SV2B: variants seen among roughly 807,000 people sequenced by gnomAD.
SV2B encodes solute carrier family 22 member B2.
In SV2B, 41 loss-of-function variants were observed where a neutral mutation model predicts 73.9. The ratio of observed to expected loss-of-function variants is 0.56; its 90% confidence interval spans 0.43 to 0.72. The LOEUF (loss-of-function observed/expected upper bound fraction) is 0.72, where lower values mean the gene tolerates loss of function less well. Among genes scored for constraint, SV2B ranks in the 30% least tolerant of loss-of-function variants. The probability of loss-of-function intolerance (pLI) is 0.00; values close to 1 mark genes in which losing one functional copy is unlikely to be tolerated. For missense variants in SV2B, 764 were observed against 857.8 expected, an observed-to-expected ratio of 0.89 and a Z score of 1.37; for synonymous variants, 314 against 314.2, an observed-to-expected ratio of 1.00 and a Z score of 0.01.
At chr15:91,131,953 ACT>A (rs2141156147) in intron 1 of SV2B, among the ~76,000 whole-genome samples, 1 of 152,136 alleles carries the variant, frequency 6.6e-6, no homozygotes, top group East Asian at 1.9e-4. Flanking sequence ...ATAGAGTGAG[ACT>A]CTGTCTCAAA....
At chr15:91,176,412 T>G (rs1466876901) in intron 1 of SV2B, among the ~76,000 whole-genome samples, 1,919 of 148,298 alleles carry the variant, frequency 0.013, 16 homozygotes, top group Middle Eastern at 0.017. Context: ...ACCCCGTAAT[T>G]GGATGGCTGG....
In SV2B at chr15:91,217,499, G is replaced by T. The variant is rs192248133; in HGVS notation, c.-391-8374G>T. 8.9e-4 allele frequency among the ~76,000 whole-genome samples: 135 copies of T among 152,162 alleles called. 2 individuals carry two copies. Among genetic ancestry groups the T allele is most frequent in the African/African-American group, 3.1e-3 (129 of 41,542 alleles). On this transcript the variant is annotated intron_variant, in intron 1 of 12. Coordinates refer to ENST00000394232, the MANE Select transcript of SV2B (RefSeq NM_001323032.3). Reference sequence around the variant, plus strand: ...TTAATGGGTGCAGCACACCAACATGGCACATGTATACATATGTAACAAACC... The same window carrying T: ...TTAATGGGTGCAGCACACCAACATGTCACATGTATACATATGTAACAAACC...
intron 2 of SV2B, among the ~76,000 whole-genome samples, chr15:91,237,185 A>G (rs376954411): frequency 2.0e-5 from 3 of 152,308 alleles, no homozygotes; most frequent in Non-Finnish European, 1.5e-5. Flanking sequence ...TTTGTGCAGT[A>G]TGGGCAGTTC....
rs1231178723 is a variant in SV2B, at chr15:91,224,081, C to T, written c.-391-1792C>T. On this transcript the variant is annotated intron_variant, in intron 1 of 12. Coordinates refer to ENST00000394232, the MANE Select transcript of SV2B (RefSeq NM_001323032.3). This position sits in a 1 kb window ranked among gnomAD's most constrained non-coding sequence, Gnocchi z 4.9. ...TGTCTGAGTCAGATGGGTTTCAGTG[C>T]TGGAGTCTGTCCAGGGCTGAAGACC... is the stretch of plus-strand genomic sequence containing the variant. Among the ~76,000 whole-genome samples, 3 of 152,314 alleles carry T rather than the reference C, an allele frequency of 2.0e-5. No individual in the cohort carries two copies. The highest frequency in any genetic ancestry group is 7.2e-5 in the African/African-American group (3 of 41,554).
chr15:91,188,606 C>T (rs1423673962), intron 1 of SV2B, among the ~76,000 whole-genome samples: 1 of 151,676 alleles, frequency 6.6e-6, no homozygotes, highest in South Asian at 2.1e-4. Context: ...TGAGCCACCA[C>T]TCCCGGCCTG....
intron 4 of SV2B, among the ~76,000 whole-genome samples, chr15:91,257,112 G>C (rs558605819): frequency 1.3e-5 from 2 of 151,872 alleles, no homozygotes; most frequent in Non-Finnish European, 2.9e-5. Flanking sequence ...TTATAACCTC[G>C]GCTCTATTTT....
chr15:91,282,595 A>C (rs1360372437), intron 10 of SV2B, among the ~76,000 whole-genome samples: 1 of 152,190 alleles, frequency 6.6e-6, no homozygotes, highest in Non-Finnish European at 1.5e-5. Flanking sequence ...GGAAATCAAG[A>C]CTTAAGCAAC....
rs933661515 is a variant in SV2B, at chr15:91,241,633, C to G, written c.452-10186C>G. Reference sequence around the variant, plus strand: ...TAACCGGAGAAGAACTTCTATAGCCCCTGTTATCACACCTACCTTCCTCGC... The same window carrying G: ...TAACCGGAGAAGAACTTCTATAGCCGCTGTTATCACACCTACCTTCCTCGC... On this transcript the variant is annotated intron_variant, in intron 2 of 12. Transcript: ENST00000394232. The surrounding 1 kb of genome is among the most constrained non-coding windows in gnomAD (Gnocchi z 4.8). Among the ~76,000 whole-genome samples the G allele has an allele frequency of 6.6e-6, 1 of 151,708 alleles. No individual in the cohort carries two copies. The highest frequency in any genetic ancestry group is 1.5e-5 in the Non-Finnish European group (1 of 67,800).
rs1200389648 is a variant in SV2B at position 91,141,524 on chromosome 15, C to T, written c.-392+41161C>T. The stretch of plus-strand genomic sequence containing the variant: ...CACTTACCATCTGTGAGACTTTCAG[C>T]GAGTTACCAAATTCCAGCGAGCTTT... On this transcript the variant is annotated intron_variant, in intron 1 of 12. Coordinates refer to ENST00000394232, the MANE Select transcript of SV2B (RefSeq NM_001323032.3). This position sits in a 1 kb window ranked among gnomAD's most constrained non-coding sequence, Gnocchi z 4.6. 1.3e-5 allele frequency among the ~76,000 whole-genome samples: 2 copies of T among 152,130 alleles called. No homozygotes were observed. The highest frequency in any genetic ancestry group is 2.9e-5 in the Non-Finnish European group (2 of 68,020).
intron 1 of SV2B, among the ~76,000 whole-genome samples, chr15:91,153,373 T>A (rs2043375309): frequency 6.6e-6 from 1 of 152,098 alleles, no homozygotes; most frequent in South Asian, 2.1e-4. Flanking sequence ...TAGCATTGCA[T>A]CTCGGGAGCT....
intron 1 of SV2B, among the ~76,000 whole-genome samples, chr15:91,175,134 T>G (rs1489782223): frequency 6.6e-6 from 1 of 152,188 alleles, no homozygotes; most frequent in Non-Finnish European, 1.5e-5. Flanking sequence ...TCAGAGCAAA[T>G]GTAATCTGCC....
At chr15:91,146,694 C>T (rs1170850999) in intron 1 of SV2B, among the ~76,000 whole-genome samples, 1 of 151,990 alleles carries the variant, frequency 6.6e-6, no homozygotes, top group African/African-American at 2.4e-5. Flanking sequence ...TTTTTTGACA[C>T]CACTAATTCT....
At position 91,261,216 on chromosome 15, in the gene SV2B, T is replaced by C. The variant is rs2047899594; in HGVS notation, c.1008+807T>C. On this transcript the variant is annotated intron_variant, in intron 6 of 12. Transcript: ENST00000394232. The surrounding 1 kb of genome is among the most constrained non-coding windows in gnomAD (Gnocchi z 4.7). ...ATGCAGAGGTTGCAGTGAGCTGAGA[T>C]AGTGCCACTGCACTCCAGCCTGGGC... 2.0e-5 allele frequency among the ~76,000 whole-genome samples: 3 copies of C among 151,950 alleles called. No homozygotes were observed.
In SV2B at chr15:91,261,913, T is replaced by C. The variant is rs1042048649; in HGVS notation, c.1008+1504T>C. On this transcript the variant is annotated intron_variant, in intron 6 of 12. Transcript: ENST00000394232. This position sits in a 1 kb window ranked among gnomAD's most constrained non-coding sequence, Gnocchi z 4.7. ...GGCTATAGGCATCTTTGTGCACCCG[T>C]TTTTATAACTTCCCCTACTTCAAAT... Among the ~76,000 whole-genome samples the C allele has an allele frequency of 6.6e-6, 1 of 152,198 alleles. No individual in the cohort carries two copies. The highest frequency in any genetic ancestry group is 2.4e-5 in the African/African-American group (1 of 41,442).
rs1484538482 is a variant in SV2B at position 91,274,716 on chromosome 15, TA to T, written c.1373+6114del. ...TGCATTTTAAGTGTCAAAATACCGT[TA>T]AATATTGATCATTTATATATACTTG... is the stretch of plus-strand genomic sequence containing the variant. On this transcript the variant is annotated intron_variant, in intron 9 of 12. Coordinates refer to ENST00000394232, the MANE Select transcript of SV2B (RefSeq NM_001323032.3). Among the ~76,000 whole-genome samples the T allele has an allele frequency of 3.3e-5, 5 of 152,328 alleles. No individual in the cohort carries two copies. The East Asian group carries it at 7.7e-4, about 23-fold the overall frequency.
Position 91,139,347 on chromosome 15 carries a change from T to TAAA in SV2B, c.-392+38991_-392+38993dup, listed in dbSNP as rs34370427. ...CTTGCAAATTTCCACAATAAAATGT[T>TAAA]AAAAAAAAAGAAGTAAGGGAAACTT... is the stretch of plus-strand genomic sequence containing the variant. On this transcript the variant is annotated intron_variant, in intron 1 of 12. Transcript: ENST00000394232. This position sits in a 1 kb window ranked among gnomAD's most constrained non-coding sequence, Gnocchi z 5.2. 5.3e-3 allele frequency among the ~76,000 whole-genome samples: 792 copies of TAAA among 150,812 alleles called. 4 individuals are homozygous for TAAA. Among genetic ancestry groups the TAAA allele is most frequent in the African/African-American group, 0.018 (739 of 41,078 alleles).
rs1036691781 is a variant in SV2B at position 91,137,219 on chromosome 15, C to T, written c.-392+36856C>T. Among the ~76,000 whole-genome samples the T allele has an allele frequency of 3.9e-5, 6 of 152,026 alleles. No homozygotes were observed. Among genetic ancestry groups the T allele is most frequent in the East Asian group, 1.9e-4 (1 of 5,188 alleles). On this transcript the variant is annotated intron_variant, in intron 1 of 12. Coordinates refer to ENST00000394232, the MANE Select transcript of SV2B (RefSeq NM_001323032.3). The surrounding 1 kb of genome is among the most constrained non-coding windows in gnomAD (Gnocchi z 4.9). ...AATGGTTTTATTAAAAACTTAAATA[C>T]GTCAGTGGAACACTTCTCCAGTCTC...
chr15:91,225,897 A>C lies in SV2B; in HGVS notation c.-367A>C, dbSNP rs1245217808. The C allele has an allele frequency of 3.8e-6, 1 of 263,142 alleles. No homozygotes were observed. Among genetic ancestry groups the C allele is most frequent in the African/African-American group, 2.3e-5 (1 of 43,082 alleles). The allele number at this position is 263,142 out of a possible 1,614,324, so 16.3% of individuals were successfully genotyped here. On this transcript the variant is annotated 5_prime_UTR_variant, in exon 2 of 13. Transcript: ENST00000394232. Reference sequence around the variant, plus strand: ...GAGCATAACCTTCGGTGGCAGGACAAATCAGGCCAGCACGCAGTCTGCCAA... The same window carrying C: ...GAGCATAACCTTCGGTGGCAGGACACATCAGGCCAGCACGCAGTCTGCCAA...
At chr15:91,274,090 C>T (rs2048405866) in intron 9 of SV2B, among the ~76,000 whole-genome samples, 1 of 152,104 alleles carries the variant, frequency 6.6e-6, no homozygotes, top group Admixed American at 6.5e-5. Flanking sequence ...ATGCATATTT[C>T]ATAATGTATC....
Sources: allele counts gnomAD v4.1 joint callset (sites outside exome capture counted in the v4.1 genomes callset), GRCh38; gene constraint gnomAD v4.1.1; non-coding constraint Gnocchi (gnomAD v3.1); transcripts MANE v1.5; gene names NCBI Gene and HGNC (gene_info 2026-07-23, HGNC 2026-07-21).